TNNI1: variants seen among roughly 807,000 people sequenced by gnomAD.
The protein encoded by TNNI1 is troponin I1, slow skeletal type.
Under a neutral mutation model 26.7 loss-of-function variants are expected in TNNI1, and 14 were observed. That is an observed-to-expected ratio of 0.52 (90% confidence interval 0.35 to 0.82). TNNI1 has a LOEUF of 0.82. TNNI1 is among the 40% of genes least tolerant of loss of function. The pLI is 0.01. For synonymous variants in TNNI1, 79 were observed against 98.2 expected, an observed-to-expected ratio of 0.80 and a Z score of 1.16; for missense variants, 164 against 257.0, an observed-to-expected ratio of 0.64 and a Z score of 2.47.
intron 5 of TNNI1, among the ~76,000 whole-genome samples, chr1:201,413,462 T>C (rs1349600904): frequency 2.0e-5 from 3 of 151,748 alleles, no homozygotes; most frequent in African/African-American, 7.3e-5. Context: ...ACTAGTATCC[T>C]TGGCTGGGCA....
intron 1 of TNNI1, among the ~76,000 whole-genome samples, chr1:201,419,768 A>T (rs1386810998): frequency 6.6e-6 from 1 of 152,174 alleles, no homozygotes; most frequent in Non-Finnish European, 1.5e-5. Flanking sequence ...TGCCTCCGCC[A>T]CCAGGGGAGG....
rs1662492351 is a variant in TNNI1 at position 201,405,192 on chromosome 1, G to T, written c.*4061C>A. 6.5e-6 allele frequency: 1 copy of T among 152,698 alleles called. No homozygotes were observed. Among genetic ancestry groups the T allele is most frequent in the South Asian group, 2.1e-4 (1 of 4,830 alleles). 9.5% of individuals were successfully genotyped at this position (152,698 alleles called of 1,614,324 possible). ...GGACCTACTTCCTAGCTCCAGTTAG[G>T]TTTGTGACCTTGAGCAAGTCACCCT... On this transcript the variant is annotated 3_prime_UTR_variant, in exon 9 of 9. Transcript: ENST00000361379.
At chr1:201,416,937 T>A (rs1043523752) in intron 3 of TNNI1, among the ~76,000 whole-genome samples, 179 bp downstream of exon 3, 1 of 152,054 alleles carries the variant, frequency 6.6e-6, no homozygotes, top group Non-Finnish European at 1.5e-5. Flanking sequence ...ACATCCAGAA[T>A]CTTCACCTGA....
intron 5 of TNNI1, among the ~76,000 whole-genome samples, chr1:201,414,142 T>C (rs1411949017): frequency 1.3e-5 from 2 of 152,168 alleles, no homozygotes; most frequent in Non-Finnish European, 2.9e-5. Context: ...TTTAACCAAT[T>C]TACCAGTGTT....
rs566548655 is a variant in TNNI1, at chr1:201,406,913, GCCCCTCCTA to G, written c.*2331_*2339del. 2.5e-4 allele frequency: 38 copies of G among 152,388 alleles called. No individual in the cohort carries two copies. The highest frequency in any genetic ancestry group is 8.2e-4 in the African/African-American group (34 of 41,566). 9.4% of individuals were successfully genotyped at this position (152,388 alleles called of 1,614,324 possible). ...CAGGAACCCTCTGGTTGGCTCTTCT[GCCCCTCCTA>G]GAGGGCCACTGGCTTAGGTGTGTTG... On this transcript the variant is annotated 3_prime_UTR_variant, in exon 9 of 9. Coordinates refer to ENST00000361379, the MANE Select transcript of TNNI1 (RefSeq NM_003281.4).
At chr1:201,409,480 G>A (rs1352105799) in intron 8 of TNNI1, among the ~76,000 whole-genome samples, 2 of 152,150 alleles carry the variant, frequency 1.3e-5, no homozygotes, top group African/African-American at 4.8e-5. Flanking sequence ...GCGGCCCTCA[G>A]CTCTTACCTA....
Position 201,409,144 on chromosome 1 carries a change from G to C in TNNI1, c.*109C>G, listed in dbSNP as rs938138600. The C allele has an allele frequency of 5.9e-5, 9 of 152,380 alleles. No homozygotes were observed. Among genetic ancestry groups the C allele is most frequent in the Admixed American group, 1.3e-4 (2 of 15,272 alleles). 9.4% of individuals were successfully genotyped at this position (152,380 alleles called of 1,614,324 possible). On this transcript the variant is annotated 3_prime_UTR_variant, in exon 9 of 9. Coordinates refer to ENST00000361379, the MANE Select transcript of TNNI1 (RefSeq NM_003281.4). ...GGCATGCAGGCTGGAGGGAAGAAGT[G>C]GGGGAGAGGTGGGAAGGGATGCTCC... is the stretch of plus-strand genomic sequence containing the variant.
rs1327666294 is a variant in TNNI1, at chr1:201,407,780, C to A, written c.*1473G>T. On this transcript the variant is annotated 3_prime_UTR_variant, in exon 9 of 9. Coordinates refer to ENST00000361379, the MANE Select transcript of TNNI1 (RefSeq NM_003281.4). ...CAGAACTTGACCGGATGTGGTCGCT[C>A]ACACCTGTAATCCCAGAACTTTGGG... 1 of 152,178 alleles carries A rather than the reference C, an allele frequency of 6.6e-6. No individual in the cohort carries two copies. Among genetic ancestry groups the A allele is most frequent in the Non-Finnish European group, 1.5e-5 (1 of 68,056 alleles). 9.4% of individuals were successfully genotyped at this position (152,178 alleles called of 1,614,324 possible).
chr1:201,413,337 T>A (rs1398014249), intron 5 of TNNI1, among the ~76,000 whole-genome samples: 1 of 152,108 alleles, frequency 6.6e-6, no homozygotes, highest in Non-Finnish European at 1.5e-5. Flanking sequence ...AAAATAGTAT[T>A]CCTTCGCTTG....
At chr1:201,419,629 C>T (rs942307081) in intron 1 of TNNI1, among the ~76,000 whole-genome samples, 1 of 152,228 alleles carries the variant, frequency 6.6e-6, no homozygotes, top group African/African-American at 2.4e-5. Context: ...CCACCCCTTC[C>T]TCTGCCCTAA....
chr1:201,409,589 C>T (rs1571733865), intron 8 of TNNI1, among the ~76,000 whole-genome samples: 1 of 152,338 alleles, frequency 6.6e-6, no homozygotes, highest in East Asian at 1.9e-4. Context: ...AGCTAACACT[C>T]GCTCGTCGCA....
At position 201,407,452 on chromosome 1, in the gene TNNI1, C is replaced by T. The variant is rs539098194; in HGVS notation, c.*1801G>A. On this transcript the variant is annotated 3_prime_UTR_variant, in exon 9 of 9. Transcript: ENST00000361379. ...CCTAAGGTAGCCCAAGTTGCTGGTT[C>T]CCACTGCCATGCTTTCTGAAAGGGG... The T allele has an allele frequency of 6.6e-6, 1 of 152,412 alleles. No homozygotes were observed. Among genetic ancestry groups the T allele is most frequent in the South Asian group, 2.1e-4 (1 of 4,826 alleles). 9.4% of individuals were successfully genotyped at this position (152,412 alleles called of 1,614,324 possible).
At position 201,413,004 on chromosome 1, in the gene TNNI1, C is replaced by A. The variant is rs1457839819; in HGVS notation, c.279+28G>T. On this transcript the variant is annotated intron_variant, in intron 6 of 8. Coordinates refer to ENST00000361379, the MANE Select transcript of TNNI1 (RefSeq NM_003281.4). ...CATGCCCCTGCCCAACCCATTATGG[C>A]CATGCCCCTTCCCTTCCTTAGACTC... 5 of 1,610,362 alleles carry A rather than the reference C, an allele frequency of 3.1e-6. No individual in the cohort carries two copies. The Admixed American group carries it at 5.0e-5, about 16-fold the overall frequency.
chr1:201,421,322 T>G (rs1479353670), intron 1 of TNNI1, among the ~76,000 whole-genome samples: 1 of 152,072 alleles, frequency 6.6e-6, no homozygotes, highest in Non-Finnish European at 1.5e-5. Context: ...CCCCTTCCCC[T>G]GGGTGCGCTC....
rs1322189481 is a variant in TNNI1, at chr1:201,406,561, A to G, written c.*2692T>C. On this transcript the variant is annotated 3_prime_UTR_variant, in exon 9 of 9. Coordinates refer to ENST00000361379, the MANE Select transcript of TNNI1 (RefSeq NM_003281.4). ...AGGTGTACATGCTGGTGCCTGACGC[A>G]TAAGTGTGCTACATGTGTGAGCTGT... 1 of 152,222 alleles carries G rather than the reference A, an allele frequency of 6.6e-6. No homozygotes were observed. Among genetic ancestry groups the G allele is most frequent in the African/African-American group, 2.4e-5 (1 of 41,456 alleles). The allele number at this position is 152,222 out of a possible 1,614,324, so 9.4% of individuals were successfully genotyped here.
intron 3 of TNNI1, among the ~76,000 whole-genome samples, chr1:201,416,734 A>G (rs999602958): frequency 6.6e-5 from 10 of 152,174 alleles, no homozygotes; most frequent in African/African-American, 2.2e-4. Flanking sequence ...TTACCCTTCC[A>G]ATATAGCTTT....
At chr1:201,418,584 G>C (rs1662797406) in intron 1 of TNNI1, among the ~76,000 whole-genome samples, 1 of 152,200 alleles carries the variant, frequency 6.6e-6, no homozygotes, top group Admixed American at 6.5e-5. Flanking sequence ...GGCTCAGAGA[G>C]AGGAAGGCCT....
chr1:201,413,576 C>A (rs1662680550), intron 5 of TNNI1, among the ~76,000 whole-genome samples: 1 of 152,192 alleles, frequency 6.6e-6, no homozygotes, highest in African/African-American at 2.4e-5. Context: ...GAAACCCTGT[C>A]TCTACTAAAA....
chr1:201,412,886 G>A, intron 6 of TNNI1, 146 bp downstream of exon 6: 1 of 756,436 alleles, frequency 1.3e-6, no homozygotes. Context: ...GCCCTATGGG[G>A]CTAGGGCAGA....
Sources: gnomAD v4.1 joint callset for allele counts (sites outside exome capture counted in the v4.1 genomes callset) on GRCh38, gnomAD v4.1.1 for gene constraint, MANE v1.5 for transcripts, NCBI Gene and HGNC (gene_info 2026-07-23, HGNC 2026-07-21) for gene names.